The following CCNJL variants were observed in gnomAD, a reference collection of about 807,000 sequenced individuals.
CCNJL encodes the protein cyclin-J-like protein.
CCNJL carries 33 observed loss-of-function variants against 33.4 expected under a neutral mutation model. The ratio of observed to expected loss-of-function variants is 0.99; its 90% CI spans 0.75 to 1.32. The LOEUF is 1.32. Ranked by LOEUF, CCNJL falls within the 40% of genes most tolerant of loss-of-function variation. The pLI, the probability that CCNJL is intolerant of heterozygous loss-of-function variation, is 0.00. For synonymous variants in CCNJL, 227 were observed against 220.9 expected (o/e 1.03, Z -0.24); for missense variants, 512 against 499.7 (o/e 1.02, Z -0.23).
rs538262876 is a variant in CCNJL at position 160,311,081 on chromosome 5, G to A, written c.66+777C>T. 2.6e-5 allele frequency among the ~76,000 whole-genome samples: 4 copies of A among 152,152 alleles called. No individual in the cohort carries two copies. The South Asian group carries it at 8.3e-4, about 32-fold the overall frequency. ...GCCAATCTCAGCCCAGGGACTGGAGGCAAGACACACAGGCCATGCCTCCAG... is the reference window on the plus strand; with the variant it reads ...GCCAATCTCAGCCCAGGGACTGGAGACAAGACACACAGGCCATGCCTCCAG... On this transcript the variant is annotated intron_variant, in intron 2 of 5. Transcript: ENST00000257536.
At chr5:160,282,277 G>T (rs1393754415) in intron 2 of CCNJL, among the ~76,000 whole-genome samples, 1 of 152,150 alleles carries the variant, frequency 6.6e-6, no homozygotes, top group Admixed American at 6.5e-5. Flanking sequence ...TCTACACTGG[G>T]TGTTATTCTA....
At chr5:160,291,381 C>A (rs575421129) in intron 2 of CCNJL, among the ~76,000 whole-genome samples, 9 of 152,314 alleles carry the variant, frequency 5.9e-5, no homozygotes, top group African/African-American at 2.2e-4. Context: ...TCGCATACTA[C>A]ATTGCTCCTT....
intron 2 of CCNJL, among the ~76,000 whole-genome samples, chr5:160,310,983 T>TG (rs1472472825): frequency 6.6e-6 from 1 of 152,222 alleles, no homozygotes; most frequent in Non-Finnish European, 1.5e-5. Flanking sequence ...CCAGTTTGTG[T>TG]GGTCCTTTGT....
chr5:160,260,623 G>C (rs1761281724), intron 3 of CCNJL, among the ~76,000 whole-genome samples: 1 of 152,108 alleles, frequency 6.6e-6, no homozygotes. Context: ...GGGGCTGGTG[G>C]GGGGGCATGA....
At chr5:160,287,639 C>T (rs1339709313) in intron 2 of CCNJL, among the ~76,000 whole-genome samples, 3 of 152,228 alleles carry the variant, frequency 2.0e-5, no homozygotes, top group Admixed American at 6.5e-5. Flanking sequence ...ACTTGAAGGC[C>T]GCAGCAGCGC....
At chr5:160,338,228 C>T (rs2113487452) in intron 1 of CCNJL, among the ~76,000 whole-genome samples, 1 of 115,550 alleles carries the variant, frequency 8.7e-6, no homozygotes, top group Admixed American at 8.2e-5. Flanking sequence ...GAAACCCCGT[C>T]TCTACAAAAA....
intron 1 of CCNJL, among the ~76,000 whole-genome samples, chr5:160,323,944 C>T (rs763579237): frequency 3.9e-5 from 6 of 152,226 alleles, no homozygotes; most frequent in Non-Finnish European, 7.3e-5. Flanking sequence ...CACCTGCATT[C>T]CGACGGGGAC....
chr5:160,259,504 T>C lies in CCNJL; in HGVS notation c.548A>G (p.Glu183Gly). The change falls in exon 4 of 6, where the codon GAG becomes GGG. Residue 183 changes from glutamate to glycine, a missense_variant. Physicochemically the swap from Glu to Gly is moderately conservative, Grantham distance 98 (BLOSUM62 -2). Coordinates refer to ENST00000257536, the MANE Select transcript of CCNJL (RefSeq NM_001308173.3). ...CPRKTKECLKEYAHYFLEVTL... is the reference protein window; with the variant it reads ...CPRKTKECLKGYAHYFLEVTL... ...GACCTCTAGGAAGTAATGGGCATAC[T>C]CCTTGAGGCACTCTTTGGTCTTGCG... is the stretch of plus-strand genomic sequence containing the variant. 6.2e-7 allele frequency: 1 copy of C among 1,614,076 alleles called. No homozygotes were observed. Among genetic ancestry groups the C allele is most frequent in the Non-Finnish European group, 8.5e-7 (1 of 1,179,974 alleles).
intron 1 of CCNJL, among the ~76,000 whole-genome samples, chr5:160,326,295 T>G (rs1408240922): frequency 1.3e-5 from 2 of 151,814 alleles, no homozygotes; most frequent in African/African-American, 2.4e-5. Flanking sequence ...GCCAATATGG[T>G]GAAACCCTGT....
At chr5:160,287,229 C>T (rs1484216309) in intron 2 of CCNJL, among the ~76,000 whole-genome samples, 1 of 152,182 alleles carries the variant, frequency 6.6e-6, no homozygotes, top group African/African-American at 2.4e-5. Context: ...CCTAGTGGCC[C>T]TTCCTCTTCC....
At chr5:160,260,800 CCCT>C (rs1349462208) in intron 3 of CCNJL, among the ~76,000 whole-genome samples, 1 of 152,158 alleles carries the variant, frequency 6.6e-6, no homozygotes, top group Non-Finnish European at 1.5e-5. Flanking sequence ...CTTCCCCATC[CCCT>C]CCTCACTCAG....
At chr5:160,272,482 A>AGGGAAAGGCAGAAATGCAG (rs1761870493) in intron 3 of CCNJL, among the ~76,000 whole-genome samples, 1 of 152,222 alleles carries the variant, frequency 6.6e-6, no homozygotes, top group African/African-American at 2.4e-5. Flanking sequence ...CTTCCTGGAT[A>AGGGAAAGGCAGAAATGCAG]GGGAAAGGCA....
rs781580279 is a variant in CCNJL at position 160,311,857 on chromosome 5, CCTT to C, written c.64_66del (p.Lys22del). 11 of 1,613,820 alleles carry C rather than the reference CCTT, an allele frequency of 6.8e-6. No individual in the cohort carries two copies. The highest frequency in any genetic ancestry group is 1.3e-5 in the African/African-American group (1 of 74,942). ...AGTGACAAGGGCAGGGAGGGACTGA[CCTT>C]CTCGCGCAGGGTGCAGTGGACGTCC... is the stretch of plus-strand genomic sequence containing the variant. On this transcript the variant is annotated inframe_deletion and splice_region_variant, in exon 2 of 6. Transcript: ENST00000257536.
chr5:160,286,356 T>A (rs1192410821), intron 2 of CCNJL, among the ~76,000 whole-genome samples: 5 of 152,120 alleles, frequency 3.3e-5, no homozygotes, highest in Non-Finnish European at 7.3e-5. Context: ...AAGAAAAAGT[T>A]ATGGACCAGG....
At chr5:160,321,277 C>A (rs1426914889) in intron 1 of CCNJL, among the ~76,000 whole-genome samples, 1 of 152,010 alleles carries the variant, frequency 6.6e-6, no homozygotes, top group Non-Finnish European at 1.5e-5. Context: ...CCATTAACTT[C>A]AACCCCCCTG....
rs560313062 is a variant in CCNJL, at chr5:160,280,805, G to A, written c.67-67C>T. On this transcript the variant is annotated intron_variant, in intron 2 of 5. Transcript: ENST00000257536. ...CTCCTGAGAGTCTCGGCTGTCCCAGGAAATGGGACCTCAGGGCCTGAATGG... is the reference window on the plus strand; with the variant it reads ...CTCCTGAGAGTCTCGGCTGTCCCAGAAAATGGGACCTCAGGGCCTGAATGG... 2.3e-5 allele frequency: 25 copies of A among 1,072,374 alleles called. No individual in the cohort carries two copies. The South Asian group carries it at 2.8e-4, about 12-fold the overall frequency. 66.4% of individuals were successfully genotyped at this position (1,072,374 alleles called of 1,614,324 possible).
intron 2 of CCNJL, among the ~76,000 whole-genome samples, chr5:160,306,819 T>C (rs1342045713): frequency 6.6e-6 from 1 of 152,262 alleles, no homozygotes; most frequent in Non-Finnish European, 1.5e-5. Context: ...AGGAATTATC[T>C]ACATTTCTGT....
intron 3 of CCNJL, among the ~76,000 whole-genome samples, chr5:160,260,444 G>C (rs116481682): frequency 1.3e-5 from 2 of 152,212 alleles, no homozygotes; most frequent in Non-Finnish European, 2.9e-5. Context: ...TGGACAACCC[G>C]AGCTTAATCC....
intron 2 of CCNJL, among the ~76,000 whole-genome samples, chr5:160,303,252 C>A (rs1263377957): frequency 1.3e-5 from 2 of 152,164 alleles, no homozygotes; most frequent in Non-Finnish European, 2.9e-5. Flanking sequence ...GTTGCCCAAG[C>A]TGGAGCGCAA....
Sources: allele counts gnomAD v4.1 joint callset (sites outside exome capture counted in the v4.1 genomes callset), GRCh38; gene constraint gnomAD v4.1.1; transcripts MANE v1.5; gene names NCBI Gene and HGNC (gene_info 2026-07-23, HGNC 2026-07-21).